SPNS3: variants seen among roughly 807,000 people sequenced by gnomAD.
SPNS3 encodes the protein protein spinster homolog 3.
Under a neutral mutation model 54.4 loss-of-function variants are expected in SPNS3, and 51 were observed. The observed-to-expected ratio is 0.94, with a 90% confidence interval of 0.75 to 1.18. SPNS3 has a LOEUF of 1.18. Ranked by LOEUF, SPNS3 falls within the 50% of genes most tolerant of loss-of-function variation. The pLI, the probability that SPNS3 is intolerant of heterozygous loss-of-function variation, is 0.00. For missense variants in SPNS3, 669 were observed against 677.4 expected (o/e 0.99, Z 0.14); for synonymous variants, 309 against 294.7 (o/e 1.05, Z -0.50).
intron 8 of SPNS3, among the ~76,000 whole-genome samples, chr17:4,465,394 T>TC (rs1971649775): frequency 1.3e-5 from 2 of 152,072 alleles, no homozygotes; most frequent in Admixed American, 6.6e-5. Flanking sequence ...TTTTTTTTTT[T>TC]ACCTGAGCAC....
chr17:4,452,186 T>A (rs1971185191), intron 7 of SPNS3, among the ~76,000 whole-genome samples: 1 of 152,104 alleles, frequency 6.6e-6, no homozygotes, highest in Non-Finnish European at 1.5e-5. Context: ...GGCCTCGAAC[T>A]TCTGAGCTCA....
intron 2 of SPNS3, among the ~76,000 whole-genome samples, chr17:4,441,149 C>T (rs947140605): frequency 3.3e-5 from 5 of 152,128 alleles, no homozygotes; most frequent in Admixed American, 1.3e-4. Context: ...TCCTTGGCAA[C>T]GATTCAAACT....
chr17:4,447,251 A>G (rs1971022942), intron 5 of SPNS3, among the ~76,000 whole-genome samples: 1 of 152,200 alleles, frequency 6.6e-6, no homozygotes, highest in Non-Finnish European at 1.5e-5. Flanking sequence ...AAGCGGGGGT[A>G]CTAAATGCTA....
intron 7 of SPNS3, among the ~76,000 whole-genome samples, chr17:4,450,396 C>T (rs1374866976): frequency 2.8e-5 from 4 of 144,816 alleles, no homozygotes; most frequent in South Asian, 2.3e-4. Flanking sequence ...TCCTTCCCTC[C>T]CTCCCTTCCT....
chr17:4,445,375 CTT>C (rs150794166), intron 3 of SPNS3, among the ~76,000 whole-genome samples: 52,863 of 141,884 alleles, frequency 0.37, 9,984 homozygotes, highest in Middle Eastern at 0.52. Flanking sequence ...AGCTGGTGGA[CTT>C]TTTTTTTTTT....
At chr17:4,444,087 C>T (rs976626734) in intron 2 of SPNS3, among the ~76,000 whole-genome samples, 2 of 152,148 alleles carry the variant, frequency 1.3e-5, no homozygotes, top group South Asian at 2.1e-4. Flanking sequence ...GGTGACAGAG[C>T]GAGACTTTGT....
chr17:4,470,885 T>C (rs1971836500), intron 8 of SPNS3, among the ~76,000 whole-genome samples: 1 of 152,186 alleles, frequency 6.6e-6, no homozygotes, highest in Non-Finnish European at 1.5e-5. Flanking sequence ...GTTATATTAA[T>C]ATCTTTACTT....
chr17:4,449,491 AT>A, intron 7 of SPNS3, 104 bp downstream of exon 7: 1 of 1,346,926 alleles, frequency 7.4e-7, no homozygotes, highest in Non-Finnish European at 9.8e-7. Flanking sequence ...GGGGTGGGGC[AT>A]TTGGTGCTGT....
At chr17:4,468,222 C>G (rs1451305859) in intron 8 of SPNS3, among the ~76,000 whole-genome samples, 1 of 152,016 alleles carries the variant, frequency 6.6e-6, no homozygotes, top group African/African-American at 2.4e-5. Flanking sequence ...GGAAGAATCG[C>G]TTGAGCTTAA....
intron 1 of SPNS3, among the ~76,000 whole-genome samples, chr17:4,437,261 A>G (rs1567551401): frequency 6.6e-6 from 1 of 152,146 alleles, no homozygotes. Context: ...GGAGCCCAGG[A>G]GGAGAGAAAA....
intron 8 of SPNS3, among the ~76,000 whole-genome samples, chr17:4,467,723 C>T (rs932216200): frequency 6.6e-6 from 1 of 152,294 alleles, no homozygotes; most frequent in Middle Eastern, 3.4e-3. Flanking sequence ...CGCTGGAGTG[C>T]GGTGTGATCT....
chr17:4,448,933 G>A (rs1473576288), intron 6 of SPNS3, among the ~76,000 whole-genome samples: 1 of 152,140 alleles, frequency 6.6e-6, no homozygotes, highest in Non-Finnish European at 1.5e-5. Flanking sequence ...CCTGCAGAGA[G>A]GAGGGAGGAG....
chr17:4,444,878 A>C, intron 2 of SPNS3, 154 bp from the exon 3 acceptor site: 1 of 899,590 alleles, frequency 1.1e-6, no homozygotes, highest in Non-Finnish European at 1.7e-6. Flanking sequence ...ACGCACTGTG[A>C]GGTTCACCTT....
chr17:4,456,722 G>GA (rs1567562627), intron 8 of SPNS3, among the ~76,000 whole-genome samples: 1 of 143,254 alleles, frequency 7.0e-6, no homozygotes. Flanking sequence ...GTTTTTTTTG[G>GA]TTTTTTTTTT....
intron 8 of SPNS3, among the ~76,000 whole-genome samples, chr17:4,461,673 T>G (rs1477160617): frequency 6.6e-6 from 1 of 152,100 alleles, no homozygotes; most frequent in Non-Finnish European, 1.5e-5. Flanking sequence ...ATATGTATTT[T>G]GAAGGTAGAG....
intron 9 of SPNS3, among the ~76,000 whole-genome samples, chr17:4,484,390 G>A (rs1274044626): frequency 3.3e-5 from 5 of 152,056 alleles, no homozygotes; most frequent in South Asian, 2.1e-4. Context: ...GTGCCACCTC[G>A]GCTCACTAGA....
In SPNS3 at chr17:4,439,625, C is replaced by A. The variant is rs1567552521; in HGVS notation, c.200-33C>A. On this transcript the variant is annotated intron_variant, in intron 1 of 11. Coordinates refer to ENST00000355530, the MANE Select transcript of SPNS3 (RefSeq NM_182538.5). ...CCTTTAGAGGCCAGGAGGGCTACTTCCCGTTTCCTGAGCACTGTCCCTCTG... is the reference window on the plus strand; with the variant it reads ...CCTTTAGAGGCCAGGAGGGCTACTTACCGTTTCCTGAGCACTGTCCCTCTG... 3.1e-6 allele frequency: 5 copies of A among 1,604,042 alleles called. No homozygotes were observed. The South Asian group carries it at 3.4e-5, about 11-fold the overall frequency.
At chr17:4,447,029 G>T (rs376299657) in intron 5 of SPNS3, 67 bp downstream of exon 5, 3 of 1,585,674 alleles carry the variant, frequency 1.9e-6, no homozygotes, top group Non-Finnish European at 2.6e-6. Context: ...CCAGCCTTGG[G>T]TGACCTTAGC....
At position 4,486,059 on chromosome 17, in the gene SPNS3, G is replaced by A; in HGVS notation, c.1180-169G>A. ...TGGGGAAGCTTCAGATGGGCTTGATGTCTTGATGTTCTGGGGTGGGACTTT... is the reference window on the plus strand; with the variant it reads ...TGGGGAAGCTTCAGATGGGCTTGATATCTTGATGTTCTGGGGTGGGACTTT... On this transcript the variant is annotated intron_variant, in intron 9 of 11. Coordinates refer to ENST00000355530, the MANE Select transcript of SPNS3 (RefSeq NM_182538.5). The surrounding 1 kb of genome is among the most constrained non-coding windows in gnomAD (Gnocchi z 5.5). 1 of 550,558 alleles carries A rather than the reference G, an allele frequency of 1.8e-6. No homozygotes were observed. The highest frequency in any genetic ancestry group is 3.1e-6 in the Non-Finnish European group (1 of 326,520). 34.1% of individuals were successfully genotyped at this position (550,558 alleles called of 1,614,324 possible).
Sources: gnomAD v4.1 joint callset for allele counts (sites outside exome capture counted in the v4.1 genomes callset) on GRCh38, gnomAD v4.1.1 for gene constraint, Gnocchi (gnomAD v3.1) non-coding constraint, MANE v1.5 for transcripts, NCBI Gene and HGNC (gene_info 2026-07-23, HGNC 2026-07-21) for gene names.